Variants in TESMIN observed in about 807,000 individuals in gnomAD.
TESMIN encodes CXC domain containing 2.
TESMIN carries 34 observed loss-of-function variants against 47.4 expected under a neutral mutation model. The ratio of observed to expected loss-of-function variants is 0.72; its 90% CI spans 0.55 to 0.96. TESMIN has a LOEUF of 0.96. Ranked by LOEUF, TESMIN falls within the 40% of genes least tolerant of loss-of-function variation. The pLI, the probability that TESMIN is intolerant of heterozygous loss-of-function variation, is 0.00. For synonymous variants in TESMIN, 278 were observed against 258.9 expected (o/e 1.07, Z -0.71); for missense variants, 610 against 637.2 (o/e 0.96, Z 0.46).
At chr11:68,749,299 CAG>C (rs1185494666) in intron 2 of TESMIN, among the ~76,000 whole-genome samples, 1 of 152,230 alleles carries the variant, frequency 6.6e-6, no homozygotes, top group Non-Finnish European at 1.5e-5. Flanking sequence ...ATTACCATAA[CAG>C]AAAACCGGAA....
intron 6 of TESMIN, among the ~76,000 whole-genome samples, chr11:68,726,371 A>C (rs1034360754): frequency 2.0e-5 from 3 of 152,234 alleles, no homozygotes; most frequent in African/African-American, 7.2e-5. Flanking sequence ...AGTGCCACCA[A>C]GCTCCAAGTG....
chr11:68,713,910 C>T (rs1594285433), intron 7 of TESMIN, among the ~76,000 whole-genome samples: 1 of 152,028 alleles, frequency 6.6e-6, no homozygotes, highest in African/African-American at 2.4e-5. Context: ...ACCCAGGCAC[C>T]GAGAGGTTAA....
intron 6 of TESMIN, among the ~76,000 whole-genome samples, chr11:68,728,361 C>G (rs186022628): frequency 5.9e-5 from 9 of 152,182 alleles, no homozygotes; most frequent in Non-Finnish European, 1.3e-4. Context: ...TAATGCTTGT[C>G]AATTCCGTTA....
rs766021672 is a variant in TESMIN at position 68,750,501 on chromosome 11, G to A, written c.160C>T (p.Leu54=). 2.5e-5 allele frequency: 40 copies of A among 1,603,522 alleles called. No individual in the cohort carries two copies. The highest frequency in any genetic ancestry group is 3.3e-5 in the Non-Finnish European group (39 of 1,175,734). The change falls in exon 2 of 10, where the codon CTG becomes TTG. Residue 54 remains leucine, a synonymous_variant. Coordinates refer to ENST00000255087, the MANE Select transcript of TESMIN (RefSeq NM_004923.3). Reference sequence around the variant, plus strand: ...GGTTCCTTGGGGTCCGCCGGGCCCAGGTACGCTTCTTTGAAGACGTGGAAC... The same window carrying A: ...GGTTCCTTGGGGTCCGCCGGGCCCAAGTACGCTTCTTTGAAGACGTGGAAC... ...DEFHVFKEAY[L]GPADPKEPVL...
chr11:68,708,062 C>A lies in TESMIN; in HGVS notation c.*246G>T. ...CTCCGCCGCCCTGCAGACACTCTCC[C>A]AGGACTATGGGAACCCAAGCTCTCT... On this transcript the variant is annotated 3_prime_UTR_variant, in exon 10 of 10. Transcript: ENST00000255087. The A allele has an allele frequency of 2.0e-6, 1 of 508,620 alleles. No homozygotes were observed. Among genetic ancestry groups the A allele is most frequent in the Non-Finnish European group, 3.6e-6 (1 of 279,202 alleles). 31.5% of individuals were successfully genotyped at this position (508,620 alleles called of 1,614,324 possible).
intron 6 of TESMIN, among the ~76,000 whole-genome samples, chr11:68,734,897 C>A (rs539208857): frequency 3.3e-5 from 5 of 152,324 alleles, no homozygotes; most frequent in Admixed American, 3.3e-4. Context: ...AATCCTCCCC[C>A]ACTTGGCCTG....
downstream of TESMIN, among the ~76,000 whole-genome samples, chr11:68,706,584 C>T (rs1594280935): frequency 6.6e-6 from 1 of 152,174 alleles, no homozygotes; most frequent in South Asian, 2.1e-4. Context: ...TGTGCTGAGG[C>T]GCCCGAACCC....
At chr11:68,722,590 T>C (rs1277209304) in intron 6 of TESMIN, among the ~76,000 whole-genome samples, 1 of 152,140 alleles carries the variant, frequency 6.6e-6, no homozygotes, top group Non-Finnish European at 1.5e-5. Flanking sequence ...TGCAAATAGA[T>C]TAAAGAAAGC....
intron 9 of TESMIN, 80 bp downstream of exon 9, chr11:68,710,794 A>G (rs1439881991): frequency 1.5e-6 from 2 of 1,335,090 alleles, no homozygotes; most frequent in Non-Finnish European, 2.1e-6. Context: ...CATTCTTTCC[A>G]GTGTATAAAT....
At chr11:68,712,771 AG>A (rs1273820477) in intron 8 of TESMIN, among the ~76,000 whole-genome samples, 1 of 152,172 alleles carries the variant, frequency 6.6e-6, no homozygotes, top group Non-Finnish European at 1.5e-5. Flanking sequence ...TGGGGCTGTG[AG>A]CCAGGGAGGA....
At chr11:68,722,056 G>A (rs890882437) in intron 6 of TESMIN, among the ~76,000 whole-genome samples, 3 of 152,220 alleles carry the variant, frequency 2.0e-5, no homozygotes, top group East Asian at 1.9e-4. Context: ...TAAACAAAAC[G>A]TGATTCATCC....
chr11:68,735,839 G>A (rs769789541), intron 6 of TESMIN, among the ~76,000 whole-genome samples: 4 of 152,194 alleles, frequency 2.6e-5, no homozygotes, highest in Non-Finnish European at 4.4e-5. Context: ...CTTTTAAGGC[G>A]GCAAGGTTTC....
intron 6 of TESMIN, among the ~76,000 whole-genome samples, chr11:68,730,739 G>A (rs2153991678): frequency 6.8e-6 from 1 of 146,086 alleles, no homozygotes; most frequent in South Asian, 2.2e-4. Context: ...AGGTTGCAGT[G>A]AGCCGAGATC....
intron 6 of TESMIN, among the ~76,000 whole-genome samples, chr11:68,718,130 C>T (rs1392139616): frequency 7.5e-6 from 1 of 133,736 alleles, no homozygotes; most frequent in African/African-American, 2.8e-5. Context: ...CAGCCCACTC[C>T]TCAGCTACAG....
At position 68,710,858 on chromosome 11, in the gene TESMIN, A is replaced by G; in HGVS notation, c.1334+16T>C. On this transcript the variant is annotated intron_variant, in intron 9 of 9. Transcript: ENST00000255087. ...TCTGTTCCCTCTATTAGCAGAGGTT[A>G]GTTCAAAGTACCTACCTATCGTGAC... is the stretch of plus-strand genomic sequence containing the variant. The G allele has an allele frequency of 1.3e-6, 2 of 1,596,246 alleles. No individual in the cohort carries two copies. Among genetic ancestry groups the G allele is most frequent in the East Asian group, 4.5e-5 (2 of 44,742 alleles).
rs1457800274 is a variant in TESMIN at position 68,750,670 on chromosome 11, C to A, written c.-10G>T. On this transcript the variant is annotated 5_prime_UTR_variant, in exon 2 of 10. Coordinates refer to ENST00000255087, the MANE Select transcript of TESMIN (RefSeq NM_004923.3). ...GAGGGCCCTCCTCCATGGCGCAGGG[C>A]GGCGGGGCGGGATGGCGGGGGCCGC... 6.7e-7 allele frequency: 1 copy of A among 1,486,420 alleles called. No homozygotes were observed. Among genetic ancestry groups the A allele is most frequent in the South Asian group, 1.3e-5 (1 of 76,242 alleles). 92.1% of individuals were successfully genotyped at this position (1,486,420 alleles called of 1,614,324 possible).
intron 6 of TESMIN, among the ~76,000 whole-genome samples, chr11:68,718,623 G>A (rs1437379149): frequency 6.6e-6 from 1 of 152,172 alleles, no homozygotes; most frequent in African/African-American, 2.4e-5. Flanking sequence ...GAAGGGAAAG[G>A]ACCTGCCTTG....
intron 6 of TESMIN, among the ~76,000 whole-genome samples, chr11:68,717,546 A>G (rs1946154598): frequency 6.6e-6 from 1 of 152,236 alleles, no homozygotes; most frequent in African/African-American, 2.4e-5. Flanking sequence ...AAGAAGGGAA[A>G]GGGGACAGTG....
chr11:68,735,328 G>A (rs1251554625), intron 6 of TESMIN, among the ~76,000 whole-genome samples: 2 of 152,150 alleles, frequency 1.3e-5, no homozygotes, highest in African/African-American at 4.8e-5. Context: ...GGCACTTCCT[G>A]TCCAGAGGAA....
Sources: allele counts gnomAD v4.1 joint callset (sites outside exome capture counted in the v4.1 genomes callset), GRCh38; gene constraint gnomAD v4.1.1; transcripts MANE v1.5; gene names NCBI Gene and HGNC (gene_info 2026-07-23, HGNC 2026-07-21).